The following CLVS1 variants were observed in gnomAD, a reference collection of about 807,000 sequenced individuals.
The protein encoded by CLVS1 is clavesin 1.
CLVS1 carries 10 observed loss-of-function variants against 33.1 expected under a neutral mutation model. That is an observed-to-expected ratio of 0.30 (90% CI 0.19 to 0.51). CLVS1 has a LOEUF of 0.51. Ranked by LOEUF, CLVS1 falls within the 20% of genes least tolerant of loss-of-function variation. The probability of loss-of-function intolerance (pLI) is 0.97; values close to 1 mark genes in which losing one functional copy is unlikely to be tolerated. For synonymous variants in CLVS1, 163 were observed against 166.1 expected, an observed-to-expected ratio of 0.98 and a Z score of 0.14; for missense variants, 343 against 433.4, an observed-to-expected ratio of 0.79 and a Z score of 1.85.
At chr8:60,979,206 A>G in the CLVS1 span, among the ~76,000 whole-genome samples, 787 of 152,302 alleles carry the variant, frequency 5.2e-3, 4 homozygotes, top group Non-Finnish European at 9.2e-3. Flanking sequence ...TTTCTTATCT[A>G]TAAAGGGGGG....
At chr8:61,288,181 C>T (rs1209117307) in intron 1 of CLVS1, 43 bp downstream of exon 1, 1 of 456,320 alleles carries the variant, frequency 2.2e-6, no homozygotes, top group East Asian at 6.9e-5. Context: ...TGCCGAGCCT[C>T]CCCGCCTTTC....
At chr8:61,210,019 G>A (rs536246975) in intron 2 of CLVS1, among the ~76,000 whole-genome samples, 4 of 152,318 alleles carry the variant, frequency 2.6e-5, no homozygotes, top group African/African-American at 9.6e-5. Flanking sequence ...AGATTATCAT[G>A]GGTGGGCCTG....
chr8:61,024,970 C>G, the CLVS1 span, among the ~76,000 whole-genome samples: 24 of 152,112 alleles, frequency 1.6e-4, no homozygotes, highest in African/African-American at 5.8e-4. Context: ...GCCTCATCCT[C>G]CTGAGTAGCT....
intron 1 of CLVS1, among the ~76,000 whole-genome samples, chr8:61,071,934 C>T (rs1804803645): frequency 6.6e-6 from 1 of 152,206 alleles, no homozygotes; most frequent in Non-Finnish European, 1.5e-5. Flanking sequence ...ACACAAATCA[C>T]ACCCTGCCAC....
chr8:61,485,498 G>C (rs981801413), intron 5 of CLVS1, among the ~76,000 whole-genome samples: 2 of 152,222 alleles, frequency 1.3e-5, no homozygotes, highest in African/African-American at 4.8e-5. Flanking sequence ...CTGTTGGTGG[G>C]ACTGTGAACT....
the CLVS1 span, among the ~76,000 whole-genome samples, chr8:61,042,879 A>G: frequency 2.6e-5 from 4 of 152,210 alleles, no homozygotes; most frequent in Non-Finnish European, 4.4e-5. Flanking sequence ...AAGTCCCAGT[A>G]AGGAAGGATT....
intron 2 of CLVS1, among the ~76,000 whole-genome samples, chr8:61,355,283 A>C (rs1304959215): frequency 1.3e-5 from 2 of 151,672 alleles, no homozygotes; most frequent in Non-Finnish European, 2.9e-5. Flanking sequence ...AAGAGGAAGA[A>C]GTTTCTTTTT....
chr8:61,179,710 A>T (rs996314603), intron 2 of CLVS1, among the ~76,000 whole-genome samples: 2 of 152,214 alleles, frequency 1.3e-5, no homozygotes, highest in Non-Finnish European at 2.9e-5. Flanking sequence ...ACACAACTAC[A>T]TGGAAATTGA....
intron 1 of CLVS1, among the ~76,000 whole-genome samples, chr8:61,120,636 G>A (rs1367005197): frequency 7.7e-6 from 1 of 130,694 alleles, no homozygotes; most frequent in Non-Finnish European, 1.6e-5. Flanking sequence ...CCTGCCGTGT[G>A]AGGTGTCAGT....
At chr8:61,408,748 A>G (rs1430910323) in intron 3 of CLVS1, among the ~76,000 whole-genome samples, 1 of 152,208 alleles carries the variant, frequency 6.6e-6, no homozygotes, top group Non-Finnish European at 1.5e-5. Context: ...GGGGAGACAC[A>G]TTACCTTTTA....
At chr8:61,079,478 G>A (rs916998627) in intron 1 of CLVS1, among the ~76,000 whole-genome samples, 1 of 152,220 alleles carries the variant, frequency 6.6e-6, no homozygotes, top group African/African-American at 2.4e-5. Flanking sequence ...AGGTGAAAAT[G>A]TGCCAAGGTC....
chr8:61,189,219 C>A (rs1029877348), intron 2 of CLVS1, among the ~76,000 whole-genome samples: 2 of 152,176 alleles, frequency 1.3e-5, no homozygotes, highest in Non-Finnish European at 2.9e-5. Flanking sequence ...GGCCAATATT[C>A]AACATTCTTA....
chr8:61,041,072 C>T, the CLVS1 span, among the ~76,000 whole-genome samples: 1 of 152,248 alleles, frequency 6.6e-6, no homozygotes, highest in East Asian at 1.9e-4. Context: ...TATCTCAGCA[C>T]TATTTATTGA....
In CLVS1 at chr8:61,392,657, G is replaced by A. The variant is rs1399675105; in HGVS notation, c.630+15878G>A. 2.0e-5 allele frequency among the ~76,000 whole-genome samples: 3 copies of A among 151,824 alleles called. No individual in the cohort carries two copies. In the East Asian group the frequency reaches 6.0e-4, roughly 30 times the overall value. On this transcript the variant is annotated intron_variant, in intron 3 of 5. Transcript: ENST00000325897. ...TGGATCACTTGAGGGCAGGAGTTCT[G>A]GACCAGCCTTGCCAACATGGTGAAA... is the stretch of plus-strand genomic sequence containing the variant.
chr8:61,093,446 T>C (rs1221178659), intron 1 of CLVS1, among the ~76,000 whole-genome samples: 1 of 152,134 alleles, frequency 6.6e-6, no homozygotes, highest in Non-Finnish European at 1.5e-5. Flanking sequence ...TTCAGGTTTT[T>C]CCCAAATGCT....
intron 1 of CLVS1, among the ~76,000 whole-genome samples, chr8:61,096,765 T>C (rs2129285631): frequency 6.6e-6 from 1 of 152,264 alleles, no homozygotes; most frequent in African/African-American, 2.4e-5. Context: ...GCATTTCACA[T>C]TTATGAAGAC....
chr8:60,978,121 C>T, the CLVS1 span, among the ~76,000 whole-genome samples: 1 of 152,154 alleles, frequency 6.6e-6, no homozygotes, highest in African/African-American at 2.4e-5. Flanking sequence ...GAGCTCATTA[C>T]CAGTAGGCCT....
intron 2 of CLVS1, among the ~76,000 whole-genome samples, chr8:61,322,120 C>G (rs1811213681): frequency 6.6e-6 from 1 of 152,116 alleles, no homozygotes; most frequent in African/African-American, 2.4e-5. Flanking sequence ...AACCAAGTAC[C>G]CTAAACATCC....
the CLVS1 span, among the ~76,000 whole-genome samples, chr8:61,036,760 C>T: frequency 6.6e-6 from 1 of 152,226 alleles, no homozygotes; most frequent in South Asian, 2.1e-4. Context: ...GTAGTAGCCA[C>T]CTTGCTAACG....
Sources: allele counts gnomAD v4.1 joint callset (sites outside exome capture counted in the v4.1 genomes callset), GRCh38; gene constraint gnomAD v4.1.1; transcripts MANE v1.5; gene names NCBI Gene and HGNC (gene_info 2026-07-23, HGNC 2026-07-21).